The following GMPS variants were observed in gnomAD, a reference collection of about 807,000 sequenced individuals.
GMPS encodes guanosine monophosphate synthase, also known as GMP synthase [glutamine-hydrolyzing].
A neutral mutation model predicts 77.9 loss-of-function variants in GMPS; 15 were observed. That is an observed-to-expected ratio of 0.19 (90% CI 0.13 to 0.30). The LOEUF (loss-of-function observed/expected upper bound fraction) is 0.30, where lower values mean the gene tolerates loss of function less well. Among genes scored for constraint, GMPS ranks in the 10% least tolerant of loss-of-function variants. GMPS has a pLI of 1.00. For missense variants in GMPS, 590 were observed against 838.8 expected (o/e 0.70, Z 3.66); for synonymous variants, 224 against 275.9 (o/e 0.81, Z 1.86).
At position 155,925,679 on chromosome 3, in the gene GMPS, C is replaced by G. The variant is rs547473580; in HGVS notation, c.1560+313C>G. 2.0e-5 allele frequency among the ~76,000 whole-genome samples: 3 copies of G among 152,270 alleles called. No homozygotes were observed. In the South Asian group the frequency reaches 6.2e-4, roughly 32 times the overall value. ...TGTAGTTTTGGAACATCTATGAACT[C>G]TAACCAAAGGTAAATATTGAAAGCA... On this transcript the variant is annotated intron_variant, in intron 12 of 15. Transcript: ENST00000496455.
intron 1 of GMPS, among the ~76,000 whole-genome samples, chr3:155,883,679 A>G (rs1402624425): frequency 1.3e-5 from 2 of 152,162 alleles, no homozygotes; most frequent in East Asian, 1.9e-4. Context: ...CAGGCTATAC[A>G]TGTGCACATA....
At chr3:155,898,377 A>G (rs940020167) in intron 3 of GMPS, among the ~76,000 whole-genome samples, 1 of 152,208 alleles carries the variant, frequency 6.6e-6, no homozygotes, top group African/African-American at 2.4e-5. Context: ...TTTTTGAACC[A>G]TTTGAAAGTT....
At chr3:155,904,038 G>C (rs1246442662) in intron 4 of GMPS, 78 bp downstream of exon 4, 2 of 631,724 alleles carry the variant, frequency 3.2e-6, no homozygotes, top group African/African-American at 1.9e-5. Context: ...AACAATTGGA[G>C]ATTCTATAAT....
intron 12 of GMPS, among the ~76,000 whole-genome samples, chr3:155,930,794 C>G (rs115057648): frequency 6.6e-6 from 1 of 152,284 alleles, no homozygotes; most frequent in Non-Finnish European, 1.5e-5. Flanking sequence ...ACAGGCAGAT[C>G]TTGTCTGCCA....
chr3:155,905,347 A>G (rs1754848071), intron 4 of GMPS, among the ~76,000 whole-genome samples: 2 of 152,310 alleles, frequency 1.3e-5, no homozygotes, highest in African/African-American at 4.8e-5. Context: ...GATTTTCCAT[A>G]ACGTAAACAG....
chr3:155,896,592 T>A (rs938568276), intron 2 of GMPS, among the ~76,000 whole-genome samples: 24 of 152,072 alleles, frequency 1.6e-4, no homozygotes, highest in Non-Finnish European at 2.8e-4. Context: ...TTTATTTTTT[T>A]AAATTTTTTG....
intron 1 of GMPS, among the ~76,000 whole-genome samples, chr3:155,886,609 G>T (rs1754344219): frequency 1.8e-5 from 2 of 111,704 alleles, no homozygotes; most frequent in African/African-American, 6.5e-5. Flanking sequence ...TATTCCTGAT[G>T]ACTTTTTTTT....
At chr3:155,931,188 C>CTT (rs1302963548) in intron 12 of GMPS, among the ~76,000 whole-genome samples, 2 of 144,832 alleles carry the variant, frequency 1.4e-5, no homozygotes, top group Admixed American at 6.9e-5. Flanking sequence ...ATGTTGAATA[C>CTT]TTTTTTTTTT....
In GMPS at chr3:155,881,206, A is replaced by G. The variant is rs376909018; in HGVS notation, c.27+10309A>G. 8.6e-4 allele frequency among the ~76,000 whole-genome samples: 34 copies of G among 39,606 alleles called. 1 individual carries two copies. In the South Asian group the frequency reaches 0.018, roughly 21 times the overall value. The allele number at this position is 39,606 out of a possible 152,430, so 26.0% of individuals were successfully genotyped here. A position where few individuals can be genotyped will look rare whatever the true frequency, so the allele number is the denominator to read the frequency against. On this transcript the variant is annotated intron_variant, in intron 1 of 15. Coordinates refer to ENST00000496455, the MANE Select transcript of GMPS (RefSeq NM_003875.3). ...TTTTTTTTTGAGACGGAGTTTTGCT[A>G]TTGTTGCCCAGGGCGGAATGCAATG... is the stretch of plus-strand genomic sequence containing the variant.
chr3:155,870,874 G>A lies in GMPS; in HGVS notation c.4G>A (p.Ala2Thr). 3 of 1,508,594 alleles carry A rather than the reference G, an allele frequency of 2.0e-6. No homozygotes were observed. Among genetic ancestry groups the A allele is most frequent in the Non-Finnish European group, 8.8e-7 (1 of 1,132,138 alleles). 93.5% of individuals were successfully genotyped at this position (1,508,594 alleles called of 1,614,324 possible). The change falls in exon 1 of 16, where the codon GCT (alanine) becomes ACT (threonine). Residue 2 changes from alanine (A) to threonine (T), a missense_variant. Around this residue, in one of 6 missense-constraint regions of GMPS, gnomAD observed 47 missense variants for 45.5 expected, o/e 1.03. Coordinates refer to ENST00000496455, the MANE Select transcript of GMPS (RefSeq NM_003875.3). M[A>T]LCNGDSKLEN... ...CGCGGCTCCGGCCCTGGCCCCGATG[G>A]CTCTGTGCAACGGAGACTCCAAGGT...
chr3:155,923,532 C>T lies in GMPS; in HGVS notation c.1434+1230C>T, dbSNP rs113334886. On this transcript the variant is annotated intron_variant, in intron 11 of 15. Coordinates refer to ENST00000496455, the MANE Select transcript of GMPS (RefSeq NM_003875.3). Reference sequence around the variant, plus strand: ...AAGACTGCCAAAGACAGAGCAGCTGCGGAGAACAGATCAATTACCTACCCA... The same window carrying T: ...AAGACTGCCAAAGACAGAGCAGCTGTGGAGAACAGATCAATTACCTACCCA... Among the ~76,000 whole-genome samples the T allele has an allele frequency of 5.6e-4, 85 of 152,106 alleles. 4 individuals are homozygous for T. The highest frequency in any genetic ancestry group is 1.8e-3 in the African/African-American group (75 of 41,478).
In GMPS at chr3:155,911,138, T is replaced by G. The variant is rs1328281345; in HGVS notation, c.745T>G (p.Ser249Ala). The change falls in exon 7 of 16, where the codon TCA becomes GCA. Residue 249 changes from serine to alanine, a missense_variant. Physicochemically the swap from Ser to Ala is moderately conservative, Grantham distance 99. Around this residue, in one of 6 missense-constraint regions of GMPS, gnomAD observed 181 missense variants for 186.8 expected, o/e 0.97. Transcript: ENST00000496455. ...GGTTTTACTCAGTGGTGGAGTAGACTCAACAGTTTGTACAGCTTTGCTAAA... is the reference window on the plus strand; with the variant it reads ...GGTTTTACTCAGTGGTGGAGTAGACGCAACAGTTTGTACAGCTTTGCTAAA... ...VLVLLSGGVD[S>A]TVCTALLNRA... 2 of 1,611,862 alleles carry G rather than the reference T, an allele frequency of 1.2e-6. No individual in the cohort carries two copies. Among genetic ancestry groups the G allele is most frequent in the Admixed American group, 1.7e-5 (1 of 59,558 alleles).
intron 12 of GMPS, among the ~76,000 whole-genome samples, chr3:155,926,936 C>T (rs1239543662): frequency 6.6e-6 from 1 of 151,978 alleles, no homozygotes; most frequent in African/African-American, 2.4e-5. Context: ...ATTGCTTGAA[C>T]CCAGGAGGCG....
chr3:155,884,664 A>G (rs368722544), intron 1 of GMPS, among the ~76,000 whole-genome samples: 2 of 152,174 alleles, frequency 1.3e-5, no homozygotes, highest in African/African-American at 4.8e-5. Flanking sequence ...GAAAAAGATA[A>G]TAGAGAATTG....
At chr3:155,934,726 CA>C (rs1755716768) in intron 13 of GMPS, among the ~76,000 whole-genome samples, 189 bp from the exon 14 acceptor site, 2 of 152,152 alleles carry the variant, frequency 1.3e-5, no homozygotes, top group African/African-American at 2.4e-5. Flanking sequence ...ACACGTAGAA[CA>C]CAGACCTTCC....
At chr3:155,879,730 C>CTTTTTTTTTTTTT (rs58045835) in intron 1 of GMPS, among the ~76,000 whole-genome samples, 3 of 107,628 alleles carry the variant, frequency 2.8e-5, no homozygotes, top group South Asian at 3.1e-4. Context: ...CTTTTTTGCC[C>CTTTTTTTTTTTTT]TTTTTTTTTT....
chr3:155,878,255 A>G (rs1754107419), intron 1 of GMPS, among the ~76,000 whole-genome samples: 1 of 152,258 alleles, frequency 6.6e-6, no homozygotes, highest in Non-Finnish European at 1.5e-5. Context: ...TTTTGTGACT[A>G]GAATCTTAAA....
chr3:155,893,203 A>T (rs1249500910), intron 1 of GMPS, among the ~76,000 whole-genome samples: 1 of 152,216 alleles, frequency 6.6e-6, no homozygotes, highest in Non-Finnish European at 1.5e-5. Context: ...AACCAGGACT[A>T]TATTTTGGCG....
intron 1 of GMPS, among the ~76,000 whole-genome samples, chr3:155,889,031 CT>C (rs1053006773): frequency 6.6e-6 from 1 of 152,014 alleles, no homozygotes; most frequent in Non-Finnish European, 1.5e-5. Flanking sequence ...CCTGGCCTCC[CT>C]TTTTTTTACT....
Sources: allele counts gnomAD v4.1 joint callset (sites outside exome capture counted in the v4.1 genomes callset), GRCh38; gene constraint gnomAD v4.1.1; regional missense constraint gnomAD v4.1.1; transcripts MANE v1.5; gene names NCBI Gene and HGNC (gene_info 2026-07-23, HGNC 2026-07-21).